The following MOK variants were observed in gnomAD, a reference collection of about 807,000 sequenced individuals.
MOK encodes the protein MOK protein kinase.
MOK carries 59 observed loss-of-function variants against 54.2 expected under a neutral mutation model. The ratio of observed to expected loss-of-function variants is 1.09; its 90% CI spans 0.88 to 1.35. The LOEUF (loss-of-function observed/expected upper bound fraction) is 1.35. Ranked by LOEUF, MOK falls within the 40% of genes most tolerant of loss-of-function variation. MOK has a pLI of 0.00. For synonymous variants in MOK, 210 were observed against 202.7 expected, an observed-to-expected ratio of 1.04 and a Z score of -0.31; for missense variants, 517 against 526.2, an observed-to-expected ratio of 0.98 and a Z score of 0.17.
rs912086298 is a variant in MOK at position 102,236,031 on chromosome 14, G to A, written c.591-2242C>T. Among the ~76,000 whole-genome samples the A allele has an allele frequency of 2.0e-5, 3 of 152,182 alleles. No homozygotes were observed. The highest frequency in any genetic ancestry group is 7.2e-5 in the African/African-American group (3 of 41,448). On this transcript the variant is annotated intron_variant, in intron 7 of 11. Transcript: ENST00000361847. The surrounding 1 kb of genome is among the most constrained non-coding windows in gnomAD (Gnocchi z 4.5). Reference sequence around the variant, plus strand: ...TAAGTGTGGCAAAGAAGGCCACTGGGCATGGGTGTATCCTAACCCTTGAGT... The same window carrying A: ...TAAGTGTGGCAAAGAAGGCCACTGGACATGGGTGTATCCTAACCCTTGAGT...
Position 102,230,037 on chromosome 14 carries a change from T to TTTTG in MOK, c.982-384_982-381dup, listed in dbSNP as rs747502223. 5.1e-5 allele frequency: 11 copies of TTTTG among 216,190 alleles called. No individual in the cohort carries two copies. Among genetic ancestry groups the TTTTG allele is most frequent in the South Asian group, 1.8e-4 (2 of 10,948 alleles). The allele number at this position is 216,190 out of a possible 1,614,324, so 13.4% of individuals were successfully genotyped here. A position where few individuals can be genotyped will look rare whatever the true frequency, so the allele number is the denominator to read the frequency against. On this transcript the variant is annotated intron_variant, in intron 10 of 11. Coordinates refer to ENST00000361847, the MANE Select transcript of MOK (RefSeq NM_014226.3). This position sits in a 1 kb window ranked among gnomAD's most constrained non-coding sequence, Gnocchi z 4.1. Reference sequence around the variant, plus strand: ...TAAGGATGGTTTTACATTTGGGGTTTTTTGTTTGTTTGTTTGTTTTGAGAC... The same window carrying TTTTG: ...TAAGGATGGTTTTACATTTGGGGTTTTTTGTTTGTTTGTTTGTTTGTTTTGAGAC...
chr14:102,239,538 T>C (rs1271104326), intron 7 of MOK, among the ~76,000 whole-genome samples: 1 of 152,168 alleles, frequency 6.6e-6, no homozygotes, highest in Non-Finnish European at 1.5e-5. Context: ...AAGGCCTCAC[T>C]GACCAGACCC....
intron 4 of MOK, among the ~76,000 whole-genome samples, chr14:102,254,292 T>C (rs1479371036): frequency 1.3e-5 from 2 of 152,186 alleles, no homozygotes; most frequent in African/African-American, 4.8e-5. Context: ...CTGGCCGCAA[T>C]TAACTTTTTT....
At chr14:102,239,626 A>G (rs1437744638) in intron 7 of MOK, among the ~76,000 whole-genome samples, 1 of 152,158 alleles carries the variant, frequency 6.6e-6, no homozygotes, top group South Asian at 2.1e-4. Context: ...ATCCCAGTAC[A>G]GTGGGAGGCC....
intron 2 of MOK, among the ~76,000 whole-genome samples, chr14:102,282,270 A>C (rs1206595414): frequency 6.6e-6 from 1 of 152,120 alleles, no homozygotes; most frequent in Non-Finnish European, 1.5e-5. Context: ...TTAATTAAAA[A>C]ATGAAGGCTG....
In MOK at chr14:102,303,423, A is replaced by G. The variant is rs536837882; in HGVS notation, c.7+1539T>C. Among the ~76,000 whole-genome samples the G allele has an allele frequency of 1.3e-4, 20 of 152,346 alleles. No homozygotes were observed. The South Asian group carries it at 3.1e-3, about 24-fold the overall frequency. ...TTTAAAAATGTCATTTGGCCTACAG[A>G]GGACAGCCAAATAAAAATGAAAATA... On this transcript the variant is annotated intron_variant, in intron 1 of 11. Transcript: ENST00000361847.
chr14:102,272,534 A>G (rs2068463232), intron 2 of MOK, among the ~76,000 whole-genome samples: 1 of 152,166 alleles, frequency 6.6e-6, no homozygotes. Context: ...ACAAAATACT[A>G]TCAAATCCAG....
chr14:102,278,768 T>C (rs2069124060), intron 2 of MOK: 5 of 454,782 alleles, frequency 1.1e-5, no homozygotes, highest in Non-Finnish European at 4.4e-6. Context: ...ATAATTCACC[T>C]AGTACTGTTC....
intron 1 of MOK, among the ~76,000 whole-genome samples, chr14:102,289,638 T>C (rs1191409922): frequency 6.6e-6 from 1 of 152,026 alleles, no homozygotes; most frequent in South Asian, 2.1e-4. Flanking sequence ...TACAGGTGTG[T>C]GCCACCATAC....
Position 102,240,851 on chromosome 14 carries a change from C to G in MOK, c.591-7062G>C, listed in dbSNP as rs145600794. Among the ~76,000 whole-genome samples, 704 of 152,272 alleles carry G rather than the reference C, an allele frequency of 4.6e-3. 6 individuals are homozygous for G. The highest frequency in any genetic ancestry group is 0.016 in the African/African-American group (653 of 41,536). ...CTACCCTCTCTTTTCTCTGGGCTTG[C>G]CTGCTTCACTATGGGCAACCTTCCA... On this transcript the variant is annotated intron_variant, in intron 7 of 11. Coordinates refer to ENST00000361847, the MANE Select transcript of MOK (RefSeq NM_014226.3). The surrounding 1 kb of genome is among the most constrained non-coding windows in gnomAD (Gnocchi z 5.4).
rs369421477 is a variant in MOK, at chr14:102,294,893, G to A, written c.7+10069C>T. Reference sequence around the variant, plus strand: ...AGCAATAAATGGAACTTGCCGCACTGGAGGTGTCTGTTGGTAGATAAAGGG... The same window carrying A: ...AGCAATAAATGGAACTTGCCGCACTAGAGGTGTCTGTTGGTAGATAAAGGG... On this transcript the variant is annotated intron_variant, in intron 1 of 11. Coordinates refer to ENST00000361847, the MANE Select transcript of MOK (RefSeq NM_014226.3). 3.3e-5 allele frequency among the ~76,000 whole-genome samples: 5 copies of A among 152,152 alleles called. 1 individual carries two copies. Among genetic ancestry groups the A allele is most frequent in the East Asian group, 1.9e-4 (1 of 5,208 alleles).
chr14:102,293,298 G>A (rs751417948), intron 1 of MOK, among the ~76,000 whole-genome samples: 1 of 152,104 alleles, frequency 6.6e-6, no homozygotes, highest in African/African-American at 2.4e-5. Flanking sequence ...CATTGATAAC[G>A]ATGCTTTCAA....
chr14:102,255,338 T>A (rs1465549940), intron 4 of MOK, among the ~76,000 whole-genome samples: 1 of 151,608 alleles, frequency 6.6e-6, no homozygotes, highest in Non-Finnish European at 1.5e-5. Flanking sequence ...AAAATAAAAT[T>A]TAAAAAAAAA....
the MOK span, among the ~76,000 whole-genome samples, chr14:102,216,994 C>A: frequency 6.6e-6 from 1 of 152,270 alleles, no homozygotes; most frequent in African/African-American, 2.4e-5. Context: ...GGATTCTGAA[C>A]CCAGGGGTCT....
the MOK span, among the ~76,000 whole-genome samples, chr14:102,219,282 C>T: frequency 1.3e-5 from 2 of 152,246 alleles, no homozygotes; most frequent in South Asian, 4.1e-4. Flanking sequence ...GTGTTCACCA[C>T]GGCAAAGTGA....
chr14:102,290,214 C>A (rs1469660568), intron 1 of MOK, among the ~76,000 whole-genome samples: 7 of 150,194 alleles, frequency 4.7e-5, no homozygotes, highest in African/African-American at 1.5e-4. Context: ...CCGAGGTGGG[C>A]AGATCATCTG....
In MOK at chr14:102,305,072, G is replaced by T; in HGVS notation, c.-104C>A. 1.5e-6 allele frequency: 2 copies of T among 1,355,340 alleles called. No homozygotes were observed. The highest frequency in any genetic ancestry group is 2.1e-6 in the Non-Finnish European group (2 of 967,074). The allele number at this position is 1,355,340 out of a possible 1,614,324, so 84.0% of individuals were successfully genotyped here. A position where few individuals can be genotyped will look rare whatever the true frequency, so the allele number is the denominator to read the frequency against. On this transcript the variant is annotated 5_prime_UTR_variant, in exon 1 of 12. Coordinates refer to ENST00000361847, the MANE Select transcript of MOK (RefSeq NM_014226.3). ...TTCCACTTCCCTGAGGCGGGGTCCC[G>T]CACTAGGATCTCCGTGGTGGTCCCT...
chr14:102,285,986 A>T (rs2153174597), intron 1 of MOK, among the ~76,000 whole-genome samples: 1 of 152,278 alleles, frequency 6.6e-6, no homozygotes, highest in Middle Eastern at 3.4e-3. Flanking sequence ...GCAATTTGGC[A>T]GCAGCTATTA....
downstream of MOK, among the ~76,000 whole-genome samples, chr14:102,222,659 G>T (rs554764674): frequency 5.9e-5 from 9 of 152,206 alleles, no homozygotes; most frequent in African/African-American, 1.9e-4. The surrounding 1 kb of genome is among the most constrained non-coding windows in gnomAD (Gnocchi z 4.4). Flanking sequence ...GGAATGGAAC[G>T]CAGTGATCTG....
Sources: allele counts gnomAD v4.1 joint callset (sites outside exome capture counted in the v4.1 genomes callset), GRCh38; gene constraint gnomAD v4.1.1; non-coding constraint Gnocchi (gnomAD v3.1); transcripts MANE v1.5; gene names NCBI Gene and HGNC (gene_info 2026-07-23, HGNC 2026-07-21).